The following DPP6 variants were observed in gnomAD, a reference collection of about 807,000 sequenced individuals.
DPP6 encodes the protein A-type potassium channel modulatory protein DPP6.
A neutral mutation model predicts 122.6 loss-of-function variants in DPP6; 69 were observed. The observed-to-expected ratio is 0.56, with a 90% CI of 0.46 to 0.69. The LOEUF is 0.69. DPP6 is among the 30% of genes least tolerant of loss of function. DPP6 has a pLI of 0.00. For synonymous variants in DPP6, 418 were observed against 433.1 expected, an observed-to-expected ratio of 0.97 and a Z score of 0.43; for missense variants, 928 against 1,116.9, an observed-to-expected ratio of 0.83 and a Z score of 2.41.
chr7:154,126,252 G>A (rs1448939758), intron 1 of DPP6, among the ~76,000 whole-genome samples: 2 of 152,100 alleles, frequency 1.3e-5, no homozygotes, highest in Non-Finnish European at 2.9e-5. Flanking sequence ...TGGTTGGTTG[G>A]TTAAATGTGT....
chr7:153,872,872 T>C, the DPP6 span, among the ~76,000 whole-genome samples: 1 of 152,252 alleles, frequency 6.6e-6, no homozygotes, highest in Non-Finnish European at 1.5e-5. Context: ...TACCTATGTA[T>C]AGAATAACCA....
chr7:153,828,525 C>T, the DPP6 span, among the ~76,000 whole-genome samples: 1,952 of 152,048 alleles, frequency 0.013, 40 homozygotes, highest in African/African-American at 0.045. Context: ...TCAGAGATGG[C>T]ATAATATGAT....
chr7:153,763,860 T>G, the DPP6 span, among the ~76,000 whole-genome samples: 10 of 152,202 alleles, frequency 6.6e-5, no homozygotes, highest in African/African-American at 2.4e-4. Context: ...TCTATTTTCT[T>G]GCAATCAAAT....
rs552805661 is a variant in DPP6, at chr7:154,889,290, C to G, written c.2323C>G (p.Arg775Gly). The G allele has an allele frequency of 6.2e-7, 1 of 1,612,966 alleles. No homozygotes were observed. The highest frequency in any genetic ancestry group is 1.3e-5 in the African/African-American group (1 of 74,946). Residue 775 changes from arginine (R) to glycine (G), a missense_variant, in exon 24 of 26, where the codon CGA (arginine) becomes GGA (glycine). Transcript: ENST00000377770. ...TGTGCAGATGACCAAGGTAGCCCAT[C>G]GAGTCTCCGCGCTGGAAGAACAGCA... Reference protein sequence around the residue: ...RAYEMTKVAHRVSALEEQQFL... With the variant: ...RAYEMTKVAHGVSALEEQQFL...
At chr7:153,970,599 G>A (rs1157714363) in intron 1 of DPP6, among the ~76,000 whole-genome samples, 2 of 152,046 alleles carry the variant, frequency 1.3e-5, no homozygotes, top group African/African-American at 4.8e-5. Flanking sequence ...TATTTTGTTT[G>A]TTTCTAGAAA....
At chr7:153,835,948 G>A in the DPP6 span, among the ~76,000 whole-genome samples, 3 of 152,164 alleles carry the variant, frequency 2.0e-5, no homozygotes, top group Non-Finnish European at 4.4e-5. Context: ...AGACTCTAGG[G>A]AAGATAAAGG....
At chr7:153,802,322 A>G in the DPP6 span, among the ~76,000 whole-genome samples, 1 of 152,174 alleles carries the variant, frequency 6.6e-6, no homozygotes, top group Admixed American at 6.5e-5. Context: ...ACCAGCGCTC[A>G]CCTGTGCCTA....
chr7:153,808,705 G>A, the DPP6 span, among the ~76,000 whole-genome samples: 16 of 151,918 alleles, frequency 1.1e-4, no homozygotes, highest in Middle Eastern at 3.4e-3. Context: ...TATAATGTTC[G>A]TATTCTTGTA....
At chr7:154,663,783 A>G (rs1586840608) in intron 6 of DPP6, among the ~76,000 whole-genome samples, 1 of 109,812 alleles carries the variant, frequency 9.1e-6, no homozygotes, top group African/African-American at 3.0e-5. Context: ...ACCATGGCGT[A>G]TCGGCCATAG....
rs1796824178 is a variant in DPP6 at position 154,158,789 on chromosome 7, CT to C, written c.243+105730del. Among the ~76,000 whole-genome samples, 3 of 152,154 alleles carry C rather than the reference CT, an allele frequency of 2.0e-5. No homozygotes were observed. The South Asian group carries it at 6.2e-4, about 32-fold the overall frequency. ...ACTGAGGACTCTCCTATTTGATGGACTTTTCTCTGGAGCCCCCTCATTTTCC... is the reference window on the plus strand; with the variant it reads ...ACTGAGGACTCTCCTATTTGATGGACTTTCTCTGGAGCCCCCTCATTTTCC... On this transcript the variant is annotated intron_variant, in intron 1 of 25. Coordinates refer to ENST00000377770, the MANE Select transcript of DPP6 (RefSeq NM_130797.4).
the DPP6 span, among the ~76,000 whole-genome samples, chr7:153,782,769 G>GAT: frequency 6.6e-6 from 1 of 152,168 alleles, no homozygotes; most frequent in African/African-American, 2.4e-5. Context: ...CAAGAATGGA[G>GAT]ATAGATTCAC....
upstream of DPP6, among the ~76,000 whole-genome samples, chr7:153,884,242 T>C (rs1203702179): frequency 6.6e-6 from 1 of 152,198 alleles, no homozygotes; most frequent in South Asian, 2.1e-4. Context: ...TTCCCACCTA[T>C]GAGTGAAAAC....
At chr7:154,695,260 C>T (rs1318088717) in intron 7 of DPP6, among the ~76,000 whole-genome samples, 9 of 152,130 alleles carry the variant, frequency 5.9e-5, no homozygotes, top group Admixed American at 2.0e-4. Context: ...AGTGGCAGGG[C>T]GCCAGAAAGG....
At chr7:154,751,938 T>C (rs1175909293) in intron 8 of DPP6, among the ~76,000 whole-genome samples, 3 of 152,140 alleles carry the variant, frequency 2.0e-5, no homozygotes, top group Non-Finnish European at 4.4e-5. Flanking sequence ...AAAGGGATCC[T>C]GATCCAGATG....
At chr7:154,720,771 C>T (rs1841761694) in intron 7 of DPP6, among the ~76,000 whole-genome samples, 1 of 152,226 alleles carries the variant, frequency 6.6e-6, no homozygotes, top group Non-Finnish European at 1.5e-5. Flanking sequence ...GGGTGGGCAG[C>T]CCCTTCACCA....
intron 7 of DPP6, among the ~76,000 whole-genome samples, chr7:154,707,468 A>C (rs1228023111): frequency 6.6e-6 from 1 of 152,228 alleles, no homozygotes; most frequent in East Asian, 1.9e-4. Context: ...TCAGCCTAAA[A>C]TATGAAATAC....
At chr7:153,908,065 G>A (rs1207705324) in intron 1 of DPP6, among the ~76,000 whole-genome samples, 3 of 110,712 alleles carry the variant, frequency 2.7e-5, no homozygotes, top group African/African-American at 1.0e-4. Flanking sequence ...ATTGAAAGAA[G>A]ACAACAAGAA....
chr7:154,775,530 G>C (rs1796507099), intron 10 of DPP6, among the ~76,000 whole-genome samples: 1 of 152,134 alleles, frequency 6.6e-6, no homozygotes, highest in Non-Finnish European at 1.5e-5. Context: ...CAATCAACAT[G>C]TGTCCAAGAC....
intron 1 of DPP6, among the ~76,000 whole-genome samples, chr7:154,122,804 C>T (rs529081156): frequency 6.6e-6 from 1 of 152,302 alleles, no homozygotes; most frequent in East Asian, 1.9e-4. Flanking sequence ...ATTATCAGAC[C>T]CTTCCCCCTC....
Sources: allele counts gnomAD v4.1 joint callset (sites outside exome capture counted in the v4.1 genomes callset), GRCh38; gene constraint gnomAD v4.1.1; transcripts MANE v1.5; gene names NCBI Gene and HGNC (gene_info 2026-07-23, HGNC 2026-07-21).